The following ZNF385B variants were observed in gnomAD, a reference collection of about 807,000 sequenced individuals.
ZNF385B encodes the protein zinc finger protein 385B, also known as zinc finger protein 533.
ZNF385B carries 23 observed loss-of-function variants against 39.2 expected under a neutral mutation model. The observed-to-expected ratio is 0.59, with a 90% CI of 0.42 to 0.83. The LOEUF is 0.83. ZNF385B is among the 40% of genes least tolerant of loss of function. The pLI is 0.00. For missense variants in ZNF385B, 552 were observed against 598.9 expected, an observed-to-expected ratio of 0.92 and a Z score of 0.82; for synonymous variants, 205 against 222.6, an observed-to-expected ratio of 0.92 and a Z score of 0.70.
chr2:179,488,345 C>A (rs1312005760), intron 5 of ZNF385B, among the ~76,000 whole-genome samples: 4 of 152,246 alleles, frequency 2.6e-5, no homozygotes, highest in Non-Finnish European at 5.9e-5. Context: ...GGGGTTTCAC[C>A]CTGTTGGCCA....
At chr2:179,590,623 C>A (rs1009090253) in intron 3 of ZNF385B, among the ~76,000 whole-genome samples, 1 of 152,134 alleles carries the variant, frequency 6.6e-6, no homozygotes, top group Admixed American at 6.5e-5. Flanking sequence ...GGCTCTGCAT[C>A]CTCACCCAAA....
At chr2:179,697,508 GAGTC>G (rs1698857736) in intron 3 of ZNF385B, among the ~76,000 whole-genome samples, 1 of 152,164 alleles carries the variant, frequency 6.6e-6, no homozygotes, top group Non-Finnish European at 1.5e-5. Flanking sequence ...GCTGAACTGT[GAGTC>G]AGTTAAACCT....
At chr2:179,757,852 C>T (rs573561866) in intron 3 of ZNF385B, among the ~76,000 whole-genome samples, 1 of 152,068 alleles carries the variant, frequency 6.6e-6, no homozygotes, top group Non-Finnish European at 1.5e-5. Flanking sequence ...TTTCCAGGTG[C>T]CATCTGTCAC....
chr2:179,531,093 G>A (rs941071654), intron 4 of ZNF385B, among the ~76,000 whole-genome samples: 7 of 152,068 alleles, frequency 4.6e-5, no homozygotes, highest in Non-Finnish European at 1.0e-4. Flanking sequence ...CTACCAGCCT[G>A]ATTTTAGTCT....
chr2:179,459,588 A>AGTGTGTGTGTGTGTGTGT (rs3053314), intron 6 of ZNF385B, among the ~76,000 whole-genome samples: 1 of 145,940 alleles, frequency 6.9e-6, no homozygotes, highest in East Asian at 2.0e-4. Flanking sequence ...AGAGAAAATA[A>AGTGTGTGTGTGTGTGTGT]GTGTGTGTGT....
chr2:179,608,753 CTG>C (rs1467347074), intron 3 of ZNF385B, among the ~76,000 whole-genome samples: 1 of 151,932 alleles, frequency 6.6e-6, no homozygotes, highest in African/African-American at 2.4e-5. Context: ...TGATGACTCA[CTG>C]TTGGTTTTTT....
Position 179,689,038 on chromosome 2 carries a change from C to T in ZNF385B, c.298+80465G>A, listed in dbSNP as rs185232935. 1.6e-4 allele frequency among the ~76,000 whole-genome samples: 24 copies of T among 152,242 alleles called. No homozygotes were observed. The East Asian group carries it at 2.9e-3, about 18-fold the overall frequency. ...AGAAGTGTATGACATTGCCTCTAAC[C>T]GCAGTGAGATCTATATTTAGAGGAT... On this transcript the variant is annotated intron_variant, in intron 3 of 9. Transcript: ENST00000410066.
intron 3 of ZNF385B, chr2:179,576,175 A>G: frequency 1.0e-6 from 1 of 985,428 alleles, no homozygotes; most frequent in Non-Finnish European, 1.2e-6. Flanking sequence ...GTCCTAGTTC[A>G]GACCCTCATC....
chr2:179,781,253 G>C (rs1251404491), intron 1 of ZNF385B, among the ~76,000 whole-genome samples: 3 of 152,198 alleles, frequency 2.0e-5, no homozygotes, highest in East Asian at 1.9e-4. Context: ...ATATTATGAG[G>C]CTCTATTAAT....
intron 1 of ZNF385B, among the ~76,000 whole-genome samples, chr2:179,792,530 T>C (rs1437879251): frequency 1.3e-5 from 2 of 151,854 alleles, no homozygotes; most frequent in Non-Finnish European, 2.9e-5. Context: ...GTACCCACCA[T>C]GCCTGGCTAA....
At chr2:179,481,436 TA>T (rs200356762) in intron 6 of ZNF385B, among the ~76,000 whole-genome samples, 1,700 of 152,028 alleles carry the variant, frequency 0.011, 30 homozygotes, top group African/African-American at 0.039. Context: ...CTTCTCCCTT[TA>T]ATTATCTGCT....
Position 179,483,442 on chromosome 2 carries a change from G to C in ZNF385B, c.553-8C>G, listed in dbSNP as rs1384940113. 2 of 1,613,696 alleles carry C rather than the reference G, an allele frequency of 1.2e-6. No homozygotes were observed. Among genetic ancestry groups the C allele is most frequent in the Non-Finnish European group, 1.7e-6 (2 of 1,179,712 alleles). The stretch of plus-strand genomic sequence containing the variant: ...GTGGGCCTCGGCCTGGCTCTACAAA[G>C]GAGAACAAATCAGGCTCATTTTTTT... On this transcript the variant is annotated splice_polypyrimidine_tract_variant and splice_region_variant and intron_variant, in intron 5 of 9. Transcript: ENST00000410066.
intron 5 of ZNF385B, among the ~76,000 whole-genome samples, chr2:179,483,678 A>G (rs773607275): frequency 6.6e-6 from 1 of 152,216 alleles, no homozygotes; most frequent in Non-Finnish European, 1.5e-5. Flanking sequence ...ATGAGTGGAC[A>G]AAAGGATTAG....
Position 179,446,629 on chromosome 2 carries a change from C to A in ZNF385B, c.857G>T (p.Gly286Val). 1 of 1,613,982 alleles carries A rather than the reference C, an allele frequency of 6.2e-7. No homozygotes were observed. The highest frequency in any genetic ancestry group is 8.5e-7 in the Non-Finnish European group (1 of 1,179,968). The change falls in exon 7 of 10, where the codon GGT becomes GTT. Residue 286 changes from glycine to valine, a missense_variant. Physicochemically the swap from Gly to Val is moderately radical, Grantham distance 109. Coordinates refer to ENST00000410066, the MANE Select transcript of ZNF385B (RefSeq NM_152520.6). ...SPSKSTNGAPGTVVESEEEKA... is the reference protein window; with the variant it reads ...SPSKSTNGAPVTVVESEEEKA... ...TTCTTCTTCTGATTCAACAACAGTA[C>A]CGGGAGCTCCATTTGTGCTCTTGGA...
At position 179,662,358 on chromosome 2, in the gene ZNF385B, ATTTTTTT is replaced by A. The variant is rs202113925; in HGVS notation, c.298+107138_298+107144del. ...ACGTCTGTGTTATAGTTTATGGGTA[ATTTTTTT>A]TTTTTTTTTTTGGTGGGCAGTGGGT... On this transcript the variant is annotated intron_variant, in intron 3 of 9. Transcript: ENST00000410066. 6.5e-5 allele frequency among the ~76,000 whole-genome samples: 9 copies of A among 139,334 alleles called. No individual in the cohort carries two copies. The Admixed American group carries it at 6.5e-4, about 10-fold the overall frequency. 91.4% of individuals were successfully genotyped at this position (139,334 alleles called of 152,430 possible).
At chr2:179,833,838 A>G (rs1445684835) in intron 1 of ZNF385B, among the ~76,000 whole-genome samples, 2 of 152,184 alleles carry the variant, frequency 1.3e-5, no homozygotes, top group Non-Finnish European at 2.9e-5. Context: ...AAAAGAATGC[A>G]GGTAACTTGT....
At chr2:179,559,887 T>A (rs566352132) in intron 3 of ZNF385B, among the ~76,000 whole-genome samples, 1 of 152,234 alleles carries the variant, frequency 6.6e-6, no homozygotes, top group East Asian at 1.9e-4. Context: ...AATTACAACT[T>A]TCTACCTTTT....
At chr2:179,657,995 T>A (rs528756220) in intron 3 of ZNF385B, among the ~76,000 whole-genome samples, 53 of 152,302 alleles carry the variant, frequency 3.5e-4, no homozygotes, top group African/African-American at 1.3e-3. Context: ...AAACCTTAAA[T>A]TTTCAATCAA....
At chr2:179,779,272 T>C (rs1426288133) in intron 1 of ZNF385B, among the ~76,000 whole-genome samples, 1 of 152,104 alleles carries the variant, frequency 6.6e-6, no homozygotes, top group Non-Finnish European at 1.5e-5. Context: ...GCAAAGGAGA[T>C]CCTATGTGCA....
Sources: allele counts gnomAD v4.1 joint callset (sites outside exome capture counted in the v4.1 genomes callset), GRCh38; gene constraint gnomAD v4.1.1; transcripts MANE v1.5; gene names NCBI Gene and HGNC (gene_info 2026-07-23, HGNC 2026-07-21).